Variants in ARFGEF1 observed in about 807,000 individuals in gnomAD.
ARFGEF1 encodes the protein ARF guanine nucleotide exchange factor 1, also known as brefeldin A-inhibited guanine nucleotide-exchange protein 1.
In ARFGEF1, 42 loss-of-function variants were observed where a neutral mutation model predicts 231.0. The observed-to-expected ratio is 0.18, with a 90% CI of 0.14 to 0.24. The LOEUF (loss-of-function observed/expected upper bound fraction) is 0.24. Ranked by LOEUF, ARFGEF1 falls within the 10% of genes least tolerant of loss-of-function variation. The pLI, the probability that ARFGEF1 is intolerant of heterozygous loss-of-function variation, is 1.00. For missense variants in ARFGEF1, 1,345 were observed against 2,192.0 expected (o/e 0.61, Z 7.72); for synonymous variants, 710 against 732.3 (o/e 0.97, Z 0.49).
intron 1 of ARFGEF1, among the ~76,000 whole-genome samples, chr8:67,319,987 G>A (rs562768256): frequency 2.6e-5 from 4 of 152,104 alleles, no homozygotes; most frequent in South Asian, 2.1e-4. Context: ...TTGGGAGGCC[G>A]AGGCGGGTGG....
At chr8:67,297,799 C>T (rs1379049598) in intron 4 of ARFGEF1, among the ~76,000 whole-genome samples, 3 of 135,836 alleles carry the variant, frequency 2.2e-5, no homozygotes, top group African/African-American at 2.9e-5. Context: ...ATGATCAACC[C>T]GTTTTTTTTT....
chr8:67,340,322 G>T (rs887132828), intron 1 of ARFGEF1, among the ~76,000 whole-genome samples: 1 of 152,156 alleles, frequency 6.6e-6, no homozygotes, highest in African/African-American at 2.4e-5. Context: ...CCCACAAAAT[G>T]ATCTCTGTAT....
Position 67,244,716 on chromosome 8 carries a change from A to G in ARFGEF1, c.2851-4426T>C, listed in dbSNP as rs755337607. On this transcript the variant is annotated intron_variant, in intron 19 of 38. Transcript: ENST00000262215. ...GACAAAAGAAAAAAGAATGAAGCAC[A>G]CCTATAAAATCTGGAAAATAGTTTT... Among the ~76,000 whole-genome samples, 10 of 150,214 alleles carry G rather than the reference A, an allele frequency of 6.7e-5. 1 individual carries two copies. The highest frequency in any genetic ancestry group is 2.7e-4 in the Admixed American group (4 of 15,012).
intron 7 of ARFGEF1, among the ~76,000 whole-genome samples, chr8:67,279,482 C>A (rs192027029): frequency 6.3e-4 from 96 of 152,192 alleles, no homozygotes; most frequent in African/African-American, 2.1e-3. Context: ...AATATTTTCA[C>A]ACACACACAC....
At chr8:67,264,334 A>C (rs1804760854) in intron 14 of ARFGEF1, among the ~76,000 whole-genome samples, 1 of 152,288 alleles carries the variant, frequency 6.6e-6, no homozygotes, top group South Asian at 2.1e-4. Context: ...AAGTATAATC[A>C]ACAAGTCTTA....
chr8:67,196,518 C>A (rs905622518), downstream of ARFGEF1, among the ~76,000 whole-genome samples: 2 of 152,212 alleles, frequency 1.3e-5, no homozygotes, highest in African/African-American at 2.4e-5. Flanking sequence ...CATCCCCAGG[C>A]ACTGCTTCTC....
intron 1 of ARFGEF1, among the ~76,000 whole-genome samples, chr8:67,305,797 G>A (rs565452682): frequency 6.6e-6 from 1 of 152,136 alleles, no homozygotes. Context: ...TATATTCCAA[G>A]ACCTCAGCGG....
Position 67,256,905 on chromosome 8 carries a change from C to T in ARFGEF1, c.2526+827G>A, listed in dbSNP as rs544118446. On this transcript the variant is annotated intron_variant, in intron 17 of 38. Coordinates refer to ENST00000262215, the MANE Select transcript of ARFGEF1 (RefSeq NM_006421.5). ...CTAGAGTACTTCTCTTTTAGAGAAA[C>T]ACACTGAGATAAATGCAGATGAAAT... Among the ~76,000 whole-genome samples the T allele has an allele frequency of 2.6e-5, 4 of 152,176 alleles. No homozygotes were observed. In the East Asian group the frequency reaches 7.7e-4, roughly 29 times the overall value.
chr8:67,304,926 ATTAT>A (rs1383199338), intron 1 of ARFGEF1, among the ~76,000 whole-genome samples: 1 of 152,244 alleles, frequency 6.6e-6, no homozygotes, highest in Non-Finnish European at 1.5e-5. Flanking sequence ...AAAAATTATC[ATTAT>A]TTAAGAGGCT....
chr8:67,225,145 T>A, intron 28 of ARFGEF1, 112 bp from the exon 29 acceptor site: 1 of 982,404 alleles, frequency 1.0e-6, no homozygotes, highest in Non-Finnish European at 1.4e-6. Flanking sequence ...GTGAGCAATT[T>A]AATAAAAAAT....
At chr8:67,239,350 C>A (rs919194935) in intron 20 of ARFGEF1, among the ~76,000 whole-genome samples, 1 of 152,082 alleles carries the variant, frequency 6.6e-6, no homozygotes, top group Admixed American at 6.5e-5. Context: ...CTCCTAAACT[C>A]GTAAGTTCAG....
At chr8:67,313,820 C>A (rs1002557109) in intron 1 of ARFGEF1, among the ~76,000 whole-genome samples, 1 of 152,170 alleles carries the variant, frequency 6.6e-6, no homozygotes, top group African/African-American at 2.4e-5. Flanking sequence ...GGCCCTAGAA[C>A]TCCCAAGATT....
chr8:67,198,708 GT>G lies in ARFGEF1; in HGVS notation c.*225del, dbSNP rs1387042240. 1 of 1,294,880 alleles carries G rather than the reference GT, an allele frequency of 7.7e-7. No individual in the cohort carries two copies. Among genetic ancestry groups the G allele is most frequent in the Non-Finnish European group, 9.8e-7 (1 of 1,021,020 alleles). 80.2% of individuals were successfully genotyped at this position (1,294,880 alleles called of 1,614,324 possible). ...GGACCCGTGAGCATGAGCTGACACT[GT>G]TTAAACAGGCTTTCTGCTCAACATG... is the stretch of plus-strand genomic sequence containing the variant. On this transcript the variant is annotated 3_prime_UTR_variant, in exon 39 of 39. Transcript: ENST00000262215.
chr8:67,212,212 A>G (rs909172454), intron 33 of ARFGEF1, among the ~76,000 whole-genome samples: 1 of 151,974 alleles, frequency 6.6e-6, no homozygotes. Context: ...CCTCCCCAGC[A>G]GCTGGGATTA....
chr8:67,212,993 T>G (rs1587052932), intron 33 of ARFGEF1, among the ~76,000 whole-genome samples: 1 of 152,180 alleles, frequency 6.6e-6, no homozygotes, highest in African/African-American at 2.4e-5. Context: ...TTAGGTATAT[T>G]GTTTTCTCAA....
intron 29 of ARFGEF1, among the ~76,000 whole-genome samples, chr8:67,223,970 TTATC>T (rs1469846922): frequency 6.6e-6 from 1 of 152,232 alleles, no homozygotes; most frequent in Non-Finnish European, 1.5e-5. Context: ...CCTATTTTGA[TTATC>T]TATTTCATAC....
chr8:67,312,419 T>C (rs1807115990), intron 1 of ARFGEF1, among the ~76,000 whole-genome samples: 1 of 152,036 alleles, frequency 6.6e-6, no homozygotes, highest in African/African-American at 2.4e-5. Context: ...TGGCACAACA[T>C]TTCCAAGAGG....
rs375469959 is a variant in ARFGEF1 at position 67,292,012 on chromosome 8, G to T, written c.751C>A (p.Pro251Thr). The change falls in exon 6 of 39, where the codon CCT (proline) becomes ACT (threonine). Residue 251 changes from proline to threonine, a missense_variant. Transcript: ENST00000262215. ...PESPQLRYLPPQTVDHISQEH... is the reference protein window; with the variant it reads ...PESPQLRYLPTQTVDHISQEH... ...TGGGATATATGATCAACAGTCTGAGGTGGCAAATATCTAAGTTGAGGTGAT... is the reference window on the plus strand; with the variant it reads ...TGGGATATATGATCAACAGTCTGAGTTGGCAAATATCTAAGTTGAGGTGAT... The T allele has an allele frequency of 1.9e-6, 3 of 1,613,838 alleles. No individual in the cohort carries two copies. Among genetic ancestry groups the T allele is most frequent in the Non-Finnish European group, 2.5e-6 (3 of 1,179,900 alleles).
chr8:67,190,657 C>A, intron 5 of ARFGEF1: 1 of 1,613,618 alleles, frequency 6.2e-7, no homozygotes, highest in South Asian at 1.1e-5. Context: ...TAGGGGCTTA[C>A]GGTGAGACAT....
Sources: allele counts gnomAD v4.1 joint callset (sites outside exome capture counted in the v4.1 genomes callset), GRCh38; gene constraint gnomAD v4.1.1; transcripts MANE v1.5; gene names NCBI Gene and HGNC (gene_info 2026-07-23, HGNC 2026-07-21).